Variants in CNTNAP5 observed in about 807,000 individuals in gnomAD.
CNTNAP5 encodes contactin associated protein family member 5.
A neutral mutation model predicts 150.2 loss-of-function variants in CNTNAP5; 72 were observed. The ratio of observed to expected loss-of-function variants is 0.48; its 90% CI spans 0.40 to 0.58. The LOEUF is 0.58. CNTNAP5 is among the 20% of genes least tolerant of loss of function. The pLI, the probability that CNTNAP5 is intolerant of heterozygous loss-of-function variation, is 0.00. For synonymous variants in CNTNAP5, 672 were observed against 619.8 expected (o/e 1.08, Z -1.25); for missense variants, 1,636 against 1,626.2 (o/e 1.01, Z -0.10).
intron 3 of CNTNAP5, among the ~76,000 whole-genome samples, chr2:124,277,719 C>T (rs916196156): frequency 1.3e-5 from 2 of 152,078 alleles, no homozygotes; most frequent in African/African-American, 2.4e-5. Flanking sequence ...GCAAGAACAG[C>T]TCTAATGGAG....
chr2:124,362,298 C>G (rs1365658908), intron 3 of CNTNAP5, among the ~76,000 whole-genome samples: 1 of 152,196 alleles, frequency 6.6e-6, no homozygotes, highest in African/African-American at 2.4e-5. Context: ...GAGCTGTAGA[C>G]CGGAGCTATT....
At chr2:124,748,307 A>T (rs1037617185) in intron 14 of CNTNAP5, among the ~76,000 whole-genome samples, 2 of 152,172 alleles carry the variant, frequency 1.3e-5, no homozygotes, top group African/African-American at 4.8e-5. Flanking sequence ...CAGAATCAGA[A>T]ATCAGCCATT....
At chr2:124,294,909 C>G (rs1377393479) in intron 3 of CNTNAP5, among the ~76,000 whole-genome samples, 1 of 152,128 alleles carries the variant, frequency 6.6e-6, no homozygotes, top group African/African-American at 2.4e-5. Context: ...AGTTTGAAAA[C>G]AGCCTGACCA....
chr2:124,715,829 C>G (rs1362356050), intron 13 of CNTNAP5, among the ~76,000 whole-genome samples: 1 of 152,126 alleles, frequency 6.6e-6, no homozygotes. Flanking sequence ...AGTCTGCCAC[C>G]TCGTCTAATA....
chr2:124,332,757 T>G (rs1689380535), intron 3 of CNTNAP5, among the ~76,000 whole-genome samples: 1 of 152,076 alleles, frequency 6.6e-6, no homozygotes, highest in Admixed American at 6.6e-5. Flanking sequence ...TGTATTTAAT[T>G]AACTTGCATT....
In CNTNAP5 at chr2:124,717,431, G is replaced by A. The variant is rs571009828; in HGVS notation, c.2078-29798G>A. On this transcript the variant is annotated intron_variant, in intron 13 of 23. Transcript: ENST00000682447. ...CATATAACCATAGCACCTGCCTAGA[G>A]GCATTCAATAAATATTGGTTTAAAT... is the stretch of plus-strand genomic sequence containing the variant. 5.1e-4 allele frequency among the ~76,000 whole-genome samples: 78 copies of A among 152,310 alleles called. No homozygotes were observed. The South Asian group carries it at 0.015, about 28-fold the overall frequency.
chr2:124,328,473 C>G (rs541838810), intron 3 of CNTNAP5, among the ~76,000 whole-genome samples: 15 of 152,184 alleles, frequency 9.9e-5, no homozygotes, highest in African/African-American at 3.6e-4. Flanking sequence ...CATTTTTTGT[C>G]CCCTAAATTA....
chr2:124,571,014 T>C (rs1269521857), intron 11 of CNTNAP5, among the ~76,000 whole-genome samples: 2 of 152,214 alleles, frequency 1.3e-5, no homozygotes, highest in African/African-American at 4.8e-5. Context: ...ATGGGGCTAA[T>C]GATAGCAATC....
Position 124,025,607 on chromosome 2 carries a change from G to A in CNTNAP5, c.-44G>A, listed in dbSNP as rs1680861144. Reference sequence around the variant, plus strand: ...CGAGAAGAAGCCGCGGCTGGCTACTGCGAATTTGGGATTCGATTGGGAGGG... The same window carrying A: ...CGAGAAGAAGCCGCGGCTGGCTACTACGAATTTGGGATTCGATTGGGAGGG... On this transcript the variant is annotated 5_prime_UTR_variant, in exon 1 of 24. Transcript: ENST00000682447. 16 of 1,581,592 alleles carry A rather than the reference G, an allele frequency of 1.0e-5. No homozygotes were observed. Among genetic ancestry groups the A allele is most frequent in the Non-Finnish European group, 1.4e-5 (16 of 1,150,470 alleles).
chr2:124,155,521 C>A (rs370417158), intron 1 of CNTNAP5, among the ~76,000 whole-genome samples: 1 of 151,838 alleles, frequency 6.6e-6, no homozygotes, highest in East Asian at 1.9e-4. Flanking sequence ...TTAAAGTAAA[C>A]CTGCTTTACT....
intron 3 of CNTNAP5, among the ~76,000 whole-genome samples, chr2:124,362,215 T>C (rs1690230055): frequency 6.6e-6 from 1 of 152,180 alleles, no homozygotes; most frequent in Non-Finnish European, 1.5e-5. Flanking sequence ...TGTCTGGCAC[T>C]CCCTAGTGAG....
At chr2:124,409,112 G>A (rs1425920558) in intron 3 of CNTNAP5, among the ~76,000 whole-genome samples, 5 of 144,416 alleles carry the variant, frequency 3.5e-5, no homozygotes, top group African/African-American at 1.3e-4. Flanking sequence ...GAGCCGATGC[G>A]ATCAACTGGA....
intron 12 of CNTNAP5, among the ~76,000 whole-genome samples, chr2:124,633,253 C>T (rs1453053462): frequency 6.6e-6 from 1 of 152,174 alleles, no homozygotes; most frequent in Non-Finnish European, 1.5e-5. Context: ...CAAGGCAAGT[C>T]CCTTTCACCT....
chr2:124,288,034 A>G (rs1688198179), intron 3 of CNTNAP5, among the ~76,000 whole-genome samples: 1 of 152,130 alleles, frequency 6.6e-6, no homozygotes. Flanking sequence ...GGCTCAAGTG[A>G]TGCTCCCACC....
At chr2:124,510,273 C>CTATATCTATATATCTA (rs1553474633) in intron 8 of CNTNAP5, among the ~76,000 whole-genome samples, 2,195 of 33,884 alleles carry the variant, frequency 0.065, 125 homozygotes, top group African/African-American at 0.18. Flanking sequence ...ATCTATATAT[C>CTATATCTATATATCTA]TATATCTATA....
intron 12 of CNTNAP5, among the ~76,000 whole-genome samples, chr2:124,627,312 C>G (rs1402462302): frequency 6.6e-6 from 1 of 152,142 alleles, no homozygotes; most frequent in Admixed American, 6.6e-5. Flanking sequence ...CCAGAAACCA[C>G]AGACAGGAAA....
chr2:124,709,090 T>C (rs1428032831), intron 13 of CNTNAP5, among the ~76,000 whole-genome samples: 1 of 152,094 alleles, frequency 6.6e-6, no homozygotes, highest in Admixed American at 6.6e-5. Flanking sequence ...CCATATTTTT[T>C]CCTGCCTCGG....
chr2:124,716,817 T>A (rs1307902332), intron 13 of CNTNAP5, among the ~76,000 whole-genome samples: 1 of 152,166 alleles, frequency 6.6e-6, no homozygotes, highest in Non-Finnish European at 1.5e-5. Context: ...AAAATAAAAT[T>A]AGGCTGTTGT....
At chr2:124,724,831 T>C (rs1680122512) in intron 13 of CNTNAP5, among the ~76,000 whole-genome samples, 1 of 151,874 alleles carries the variant, frequency 6.6e-6, no homozygotes, top group Non-Finnish European at 1.5e-5. Context: ...AGTCTTTACA[T>C]TAAGCCAGCA....
Sources: gnomAD v4.1 joint callset for allele counts (sites outside exome capture counted in the v4.1 genomes callset) on GRCh38, gnomAD v4.1.1 for gene constraint, MANE v1.5 for transcripts, NCBI Gene and HGNC (gene_info 2026-07-23, HGNC 2026-07-21) for gene names.